Variants in CADM2 observed in about 807,000 individuals in gnomAD.
CADM2 encodes the protein cell adhesion molecule 2, also known as immunoglobulin superfamily member 4D.
A neutral mutation model predicts 49.8 loss-of-function variants in CADM2; 12 were observed. The ratio of observed to expected loss-of-function variants is 0.24; its 90% confidence interval spans 0.15 to 0.39. The LOEUF (loss-of-function observed/expected upper bound fraction) is 0.39. Ranked by LOEUF, CADM2 falls within the 10% of genes least tolerant of loss-of-function variation. The pLI is 1.00. For synonymous variants in CADM2, 214 were observed against 175.4 expected (o/e 1.22, Z -1.74); for missense variants, 378 against 492.3 (o/e 0.77, Z 2.20).
At chr3:85,564,294 A>G (rs761784022) in intron 1 of CADM2, among the ~76,000 whole-genome samples, 2 of 152,154 alleles carry the variant, frequency 1.3e-5, no homozygotes, top group Admixed American at 6.5e-5. Flanking sequence ...AACATTGAAC[A>G]TTGTTATACA....
intron 7 of CADM2, among the ~76,000 whole-genome samples, chr3:85,949,364 AG>A (rs1009041937): frequency 6.6e-6 from 1 of 151,368 alleles, no homozygotes; most frequent in African/African-American, 2.4e-5. Flanking sequence ...CACACCTTAA[AG>A]GGTTTGAAAA....
At chr3:85,092,263 C>G (rs1044450068) in intron 1 of CADM2, among the ~76,000 whole-genome samples, 60 of 152,156 alleles carry the variant, frequency 3.9e-4, no homozygotes, top group African/African-American at 1.3e-3. Flanking sequence ...ATGAATGATA[C>G]ATTTATCCAC....
At chr3:85,469,567 G>T (rs1434451193) in intron 1 of CADM2, among the ~76,000 whole-genome samples, 1 of 152,140 alleles carries the variant, frequency 6.6e-6, no homozygotes, top group Admixed American at 6.6e-5. Flanking sequence ...ATTCCTCTAG[G>T]AACTTTGTAA....
chr3:85,158,447 T>C (rs2040211781), intron 1 of CADM2, among the ~76,000 whole-genome samples: 1 of 152,146 alleles, frequency 6.6e-6, no homozygotes, highest in Admixed American at 6.6e-5. Flanking sequence ...AACCCAAATG[T>C]CCAACAATGA....
Position 85,409,645 on chromosome 3 carries a change from T to C in CADM2, c.62-316877T>C, listed in dbSNP as rs139151469. On this transcript the variant is annotated intron_variant, in intron 1 of 9. Transcript: ENST00000383699. ...TTGAAAGCGTACTGGAGGAGGATAA[T>C]AGCAAGGGAAGGGAATGGAGGCAGG... is the stretch of plus-strand genomic sequence containing the variant. Among the ~76,000 whole-genome samples the C allele has an allele frequency of 4.8e-3, 737 of 152,194 alleles. 8 individuals carry two copies. Among genetic ancestry groups the C allele is most frequent in the African/African-American group, 0.017 (709 of 41,536 alleles).
At chr3:85,547,834 G>A (rs1457858806) in intron 1 of CADM2, among the ~76,000 whole-genome samples, 1 of 152,104 alleles carries the variant, frequency 6.6e-6, no homozygotes, top group Non-Finnish European at 1.5e-5. Flanking sequence ...AAAAATCTTA[G>A]CATGGAGAGC....
At chr3:86,003,002 A>T (rs915955303) in intron 8 of CADM2, among the ~76,000 whole-genome samples, 4 of 152,208 alleles carry the variant, frequency 2.6e-5, no homozygotes, top group African/African-American at 9.6e-5. Flanking sequence ...ATCTTAACCC[A>T]TTGTGGAAAG....
chr3:85,360,402 C>G (rs924669251), intron 1 of CADM2, among the ~76,000 whole-genome samples: 3 of 152,002 alleles, frequency 2.0e-5, no homozygotes, highest in Admixed American at 1.3e-4. Flanking sequence ...TAAGTAAAAA[C>G]ATAAAAGCTG....
chr3:85,247,767 C>G (rs965122064), intron 1 of CADM2, among the ~76,000 whole-genome samples: 2 of 152,040 alleles, frequency 1.3e-5, no homozygotes, highest in African/African-American at 4.8e-5. Flanking sequence ...CTTCCTGTGT[C>G]ATGATAGGTA....
At chr3:85,433,940 G>A (rs2036806755) in intron 1 of CADM2, among the ~76,000 whole-genome samples, 1 of 151,908 alleles carries the variant, frequency 6.6e-6, no homozygotes. Flanking sequence ...TGGATCCCTG[G>A]GGTCAGGTTA....
intron 1 of CADM2, among the ~76,000 whole-genome samples, chr3:85,682,080 TAGAC>T (rs1455287026): frequency 3.9e-5 from 6 of 152,098 alleles, no homozygotes; most frequent in African/African-American, 1.2e-4. Context: ...GTGACACAAA[TAGAC>T]AGGCTGACAA....
intron 2 of CADM2, among the ~76,000 whole-genome samples, chr3:85,793,709 A>G (rs1350352678): frequency 2.0e-5 from 3 of 152,302 alleles, no homozygotes; most frequent in Non-Finnish European, 4.4e-5. Context: ...TGGATTTCAA[A>G]TGTTCATTCT....
intron 3 of CADM2, among the ~76,000 whole-genome samples, chr3:85,804,041 TA>T (rs2072242367): frequency 6.6e-6 from 1 of 152,104 alleles, no homozygotes; most frequent in Non-Finnish European, 1.5e-5. Context: ...TTCTACTAGT[TA>T]AAAAAATTAA....
Position 85,818,641 on chromosome 3 carries a change from C to T in CADM2, c.238+16445C>T, listed in dbSNP as rs558643727. 1.4e-4 allele frequency among the ~76,000 whole-genome samples: 22 copies of T among 152,206 alleles called. No homozygotes were observed. In the East Asian group the frequency reaches 4.1e-3, roughly 28 times the overall value. On this transcript the variant is annotated intron_variant, in intron 3 of 9. Transcript: ENST00000383699. ...ATTTTGCTTCTGCCATTGAATAGCC[C>T]TAGCTATTATCTTTTATCTTAGCAC...
chr3:85,944,976 G>A (rs896144882), intron 7 of CADM2, among the ~76,000 whole-genome samples: 8 of 151,692 alleles, frequency 5.3e-5, no homozygotes, highest in South Asian at 2.1e-4. Context: ...TCAAAAAATC[G>A]GTGAATCCAG....
intron 1 of CADM2, among the ~76,000 whole-genome samples, chr3:85,678,639 C>G (rs1301829581): frequency 6.6e-6 from 1 of 152,114 alleles, no homozygotes; most frequent in Non-Finnish European, 1.5e-5. Flanking sequence ...CTCTACTGAC[C>G]TAAACATTTT....
At position 85,785,487 on chromosome 3, in the gene CADM2, C is replaced by T. The variant is rs375340156; in HGVS notation, c.89-16560C>T. Among the ~76,000 whole-genome samples, 16 of 152,096 alleles carry T rather than the reference C, an allele frequency of 1.1e-4. No individual in the cohort carries two copies. The South Asian group carries it at 1.2e-3, about 12-fold the overall frequency. On this transcript the variant is annotated intron_variant, in intron 2 of 9. Coordinates refer to ENST00000383699, the MANE Select transcript of CADM2 (RefSeq NM_001167675.2). ...TGTGTTAATCTGAATATTGTAGTTGCGGTGCCCACTTTGCTAGCATAGTAG... is the reference window on the plus strand; with the variant it reads ...TGTGTTAATCTGAATATTGTAGTTGTGGTGCCCACTTTGCTAGCATAGTAG...
At chr3:85,661,330 T>C (rs2107610288) in intron 1 of CADM2, among the ~76,000 whole-genome samples, 1 of 152,158 alleles carries the variant, frequency 6.6e-6, no homozygotes, top group South Asian at 2.1e-4. Flanking sequence ...TGGGGAATGC[T>C]ATCTGATTAT....
intron 1 of CADM2, among the ~76,000 whole-genome samples, chr3:85,632,387 A>G (rs1469812657): frequency 6.6e-6 from 1 of 152,080 alleles, no homozygotes; most frequent in African/African-American, 2.4e-5. Context: ...CAGCAGTGTG[A>G]AAACAGACTA....
Sources: allele counts gnomAD v4.1 joint callset (sites outside exome capture counted in the v4.1 genomes callset), GRCh38; gene constraint gnomAD v4.1.1; transcripts MANE v1.5; gene names NCBI Gene and HGNC (gene_info 2026-07-23, HGNC 2026-07-21).